Variants in STK32B observed in about 807,000 individuals in gnomAD.
The protein encoded by STK32B is serine/threonine kinase 32B.
A neutral mutation model predicts 52.6 loss-of-function variants in STK32B; 43 were observed. That is an observed-to-expected ratio of 0.82 (90% CI 0.64 to 1.05). STK32B has a LOEUF of 1.05. Ranked by LOEUF, STK32B falls within the 50% of genes least tolerant of loss-of-function variation. STK32B has a pLI of 0.00. For missense variants in STK32B, 621 were observed against 534.6 expected (o/e 1.16, Z -1.59); for synonymous variants, 238 against 204.3 (o/e 1.17, Z -1.41).
intron 8 of STK32B, among the ~76,000 whole-genome samples, 174 bp from the exon 9 acceptor site, chr4:5,459,929 T>C (rs530010576): frequency 1.3e-5 from 2 of 152,268 alleles, no homozygotes; most frequent in African/African-American, 4.8e-5. Context: ...TCCCTGGCTA[T>C]AAAGAGATGA....
At chr4:5,214,479 T>A (rs1577201570) in intron 3 of STK32B, among the ~76,000 whole-genome samples, 1 of 152,204 alleles carries the variant, frequency 6.6e-6, no homozygotes, top group African/African-American at 2.4e-5. Flanking sequence ...GACAACTCAC[T>A]ATTCCAGCAT....
intron 3 of STK32B, among the ~76,000 whole-genome samples, chr4:5,198,883 G>A (rs73093678): frequency 4.1e-4 from 63 of 152,270 alleles, no homozygotes; most frequent in African/African-American, 1.4e-3. Flanking sequence ...TCCCTGCTGC[G>A]CACAGTGTTT....
chr4:5,467,242 A>G lies in STK32B; in HGVS notation c.1041+408A>G, dbSNP rs1434864626. Among the ~76,000 whole-genome samples, 3 of 152,248 alleles carry G rather than the reference A, an allele frequency of 2.0e-5. No individual in the cohort carries two copies. Among genetic ancestry groups the G allele is most frequent in the East Asian group, 1.9e-4 (1 of 5,166 alleles). On this transcript the variant is annotated intron_variant, in intron 10 of 11. Transcript: ENST00000282908. This position sits in a 1 kb window ranked among gnomAD's most constrained non-coding sequence, Gnocchi z 5.8. ...AGCTAGGTGGCTTAAAACAACCCAC[A>G]TTGATTCTCTCACGGTTCTGGAGGC...
intron 3 of STK32B, among the ~76,000 whole-genome samples, chr4:5,181,784 T>C (rs1379817672): frequency 6.6e-6 from 1 of 152,242 alleles, no homozygotes; most frequent in East Asian, 1.9e-4. Flanking sequence ...TTTAATCTTT[T>C]TGCTGGTGGA....
At chr4:5,092,955 G>C (rs2108785226) in intron 1 of STK32B, among the ~76,000 whole-genome samples, 1 of 152,162 alleles carries the variant, frequency 6.6e-6, no homozygotes, top group African/African-American at 2.4e-5. Context: ...AATAAAAAGA[G>C]GGCAAAGGAA....
At chr4:5,451,671 G>T (rs1310876587) in intron 7 of STK32B, among the ~76,000 whole-genome samples, 2 of 152,164 alleles carry the variant, frequency 1.3e-5, no homozygotes, top group South Asian at 2.1e-4. Context: ...TGTGGTGCGG[G>T]ACTGTCCTGT....
At position 5,191,105 on chromosome 4, in the gene STK32B, G is replaced by C. The variant is rs563643080; in HGVS notation, c.260+22655G>C. Reference sequence around the variant, plus strand: ...TGACCTTTTCCTTCTCTGGCCCTCTGTTTTCTCTGCTGTGAAGTAAAAACC... The same window carrying C: ...TGACCTTTTCCTTCTCTGGCCCTCTCTTTTCTCTGCTGTGAAGTAAAAACC... On this transcript the variant is annotated intron_variant, in intron 3 of 11. Coordinates refer to ENST00000282908, the MANE Select transcript of STK32B (RefSeq NM_018401.3). 2.0e-5 allele frequency among the ~76,000 whole-genome samples: 3 copies of C among 152,254 alleles called. No individual in the cohort carries two copies. The South Asian group carries it at 6.2e-4, about 32-fold the overall frequency.
At position 5,500,753 on chromosome 4, in the gene STK32B, A is replaced by G. The variant is rs1243288577; in HGVS notation, c.*1670A>G. On this transcript the variant is annotated 3_prime_UTR_variant, in exon 12 of 12. Coordinates refer to ENST00000282908, the MANE Select transcript of STK32B (RefSeq NM_018401.3). ...CCTCGTCAGTTGACTTGTTTTGCAC[A>G]CTTTTCTTTACTTCATGTCCCCATC... 1 of 151,978 alleles carries G rather than the reference A, an allele frequency of 6.6e-6. No homozygotes were observed. The allele number at this position is 151,978 out of a possible 1,614,324, so 9.4% of individuals were successfully genotyped here. A position where few individuals can be genotyped will look rare whatever the true frequency, so the allele number is the denominator to read the frequency against.
intron 3 of STK32B, among the ~76,000 whole-genome samples, chr4:5,325,645 T>G (rs755620569): frequency 1.3e-5 from 2 of 152,232 alleles, no homozygotes; most frequent in Non-Finnish European, 2.9e-5. Flanking sequence ...GCATTCTTTA[T>G]GCAGTTCTAT....
chr4:5,432,750 C>A (rs1018961181), intron 6 of STK32B, among the ~76,000 whole-genome samples: 4 of 151,876 alleles, frequency 2.6e-5, no homozygotes, highest in African/African-American at 9.7e-5. Context: ...TAGTAAATAG[C>A]AAACTTGGAA....
At chr4:5,312,978 A>C (rs1226943724) in intron 3 of STK32B, among the ~76,000 whole-genome samples, 1 of 152,080 alleles carries the variant, frequency 6.6e-6, no homozygotes, top group Non-Finnish European at 1.5e-5. Context: ...TCATTTTATG[A>C]AACTTGTATT....
chr4:5,412,573 G>A (rs1243014185), intron 5 of STK32B, among the ~76,000 whole-genome samples: 1 of 152,112 alleles, frequency 6.6e-6, no homozygotes, highest in African/African-American at 2.4e-5. Flanking sequence ...AGAGTGGGAC[G>A]GGGAAAGCTC....
intron 5 of STK32B, among the ~76,000 whole-genome samples, chr4:5,406,576 C>T (rs1240706489): frequency 2.0e-5 from 3 of 152,186 alleles, no homozygotes; most frequent in African/African-American, 7.2e-5. Context: ...GTGGAGGCTC[C>T]CAAGCCTCAG....
intron 11 of STK32B, among the ~76,000 whole-genome samples, chr4:5,487,758 CTCGT>C (rs1719357926): frequency 6.6e-6 from 1 of 152,106 alleles, no homozygotes; most frequent in African/African-American, 2.4e-5. Flanking sequence ...GATATGGAGT[CTCGT>C]TCTGACACCT....
rs546921050 is a variant in STK32B at position 5,182,746 on chromosome 4, ACTG to A, written c.260+14298_260+14300del. ...AGTGCTGGGATTACAGATGTGAGCC[ACTG>A]CGCCCAGCCCCAAAATGTACTTCTT... On this transcript the variant is annotated intron_variant, in intron 3 of 11. Coordinates refer to ENST00000282908, the MANE Select transcript of STK32B (RefSeq NM_018401.3). 2.0e-3 allele frequency among the ~76,000 whole-genome samples: 300 copies of A among 152,264 alleles called. 1 individual carries two copies. Among genetic ancestry groups the A allele is most frequent in the Non-Finnish European group, 3.3e-3 (225 of 68,020 alleles).
At chr4:5,444,452 G>A (rs1053001359) in intron 6 of STK32B, among the ~76,000 whole-genome samples, 5 of 152,230 alleles carry the variant, frequency 3.3e-5, no homozygotes, top group Non-Finnish European at 7.3e-5. Context: ...GCCTCGCCCT[G>A]CTTTGGCTCG....
At chr4:5,157,015 A>T (rs1225431791) in intron 2 of STK32B, among the ~76,000 whole-genome samples, 3 of 152,186 alleles carry the variant, frequency 2.0e-5, no homozygotes, top group African/African-American at 7.2e-5. Flanking sequence ...TTTGATTAAT[A>T]GCAGACTAAC....
the STK32B span, among the ~76,000 whole-genome samples, chr4:5,039,783 C>A: frequency 6.6e-6 from 1 of 152,164 alleles, no homozygotes; most frequent in Non-Finnish European, 1.5e-5. Context: ...ATGATGGCTG[C>A]CATGTCACCA....
At chr4:5,306,657 G>T (rs184640835) in intron 3 of STK32B, among the ~76,000 whole-genome samples, 1 of 152,106 alleles carries the variant, frequency 6.6e-6, no homozygotes, top group Non-Finnish European at 1.5e-5. Flanking sequence ...GCATGGAGAC[G>T]TGAGGTACTG....
Sources: gnomAD v4.1 joint callset for allele counts (sites outside exome capture counted in the v4.1 genomes callset) on GRCh38, gnomAD v4.1.1 for gene constraint, Gnocchi (gnomAD v3.1) non-coding constraint, MANE v1.5 for transcripts, NCBI Gene and HGNC (gene_info 2026-07-23, HGNC 2026-07-21) for gene names.